The following PPARG variants were observed in gnomAD, a reference collection of about 807,000 sequenced individuals.
PPARG encodes peroxisome proliferator-activated receptor gamma.
Under a neutral mutation model 39.2 loss-of-function variants are expected in PPARG, and 17 were observed. The observed-to-expected ratio is 0.43, with a 90% confidence interval of 0.30 to 0.65. The LOEUF (loss-of-function observed/expected upper bound fraction) is 0.65. Ranked by LOEUF, PPARG falls within the 30% of genes least tolerant of loss-of-function variation. The probability of loss-of-function intolerance (pLI) is 0.13; values close to 1 mark genes in which losing one functional copy is unlikely to be tolerated. For missense variants in PPARG, 406 were observed against 585.9 expected (o/e 0.69, Z 3.17); for synonymous variants, 223 against 215.7 (o/e 1.03, Z -0.30).
intron 7 of PPARG, among the ~76,000 whole-genome samples, chr3:12,430,282 C>G (rs940839076): frequency 6.6e-6 from 1 of 152,250 alleles, no homozygotes; most frequent in Non-Finnish European, 1.5e-5. Flanking sequence ...TTGGCCAGAA[C>G]AGCCTTCTCG....
At chr3:12,419,858 T>C (rs1238218335) in intron 7 of PPARG, among the ~76,000 whole-genome samples, 1 of 152,170 alleles carries the variant, frequency 6.6e-6, no homozygotes, top group Non-Finnish European at 1.5e-5. Flanking sequence ...TTCCTAAGCA[T>C]ACTATATATC....
At chr3:12,350,861 C>T (rs1281681621) in intron 2 of PPARG, among the ~76,000 whole-genome samples, 1 of 152,152 alleles carries the variant, frequency 6.6e-6, no homozygotes, top group Non-Finnish European at 1.5e-5. Flanking sequence ...TTTAAGAAAG[C>T]AAACCCGATG....
chr3:12,300,489 T>C (rs146717431), intron 1 of PPARG, among the ~76,000 whole-genome samples: 337 of 152,370 alleles, frequency 2.2e-3, no homozygotes, highest in African/African-American at 7.8e-3. Flanking sequence ...AGTTAATTTC[T>C]TTTTATCGTG....
chr3:12,394,275 A>G (rs1347176095), intron 5 of PPARG, among the ~76,000 whole-genome samples: 1 of 152,180 alleles, frequency 6.6e-6, no homozygotes, highest in East Asian at 1.9e-4. Flanking sequence ...TTATCACTTC[A>G]CACATTCATG....
At chr3:12,339,876 G>A (rs1375563413) in intron 2 of PPARG, among the ~76,000 whole-genome samples, 1 of 152,182 alleles carries the variant, frequency 6.6e-6, no homozygotes, top group Admixed American at 6.5e-5. Flanking sequence ...CATGGCATAT[G>A]TGGCATATTG....
intron 2 of PPARG, among the ~76,000 whole-genome samples, chr3:12,350,214 G>A (rs1250171552): frequency 6.6e-6 from 1 of 152,114 alleles, no homozygotes; most frequent in African/African-American, 2.4e-5. Context: ...TAGTCATTTG[G>A]ACAAATTAGC....
intron 1 of PPARG, among the ~76,000 whole-genome samples, chr3:12,310,809 A>C (rs139371635): frequency 0.13 from 16,061 of 126,392 alleles, 1,298 homozygotes; most frequent in Non-Finnish European, 0.17. Context: ...AAAAAAAAAA[A>C]AAAAAAAAAA....
chr3:12,382,633 T>A (rs2049719954), intron 4 of PPARG, among the ~76,000 whole-genome samples: 1 of 152,222 alleles, frequency 6.6e-6, no homozygotes, highest in South Asian at 2.1e-4. Flanking sequence ...AACGTTTTCA[T>A]ACATCAGTAT....
intron 2 of PPARG, among the ~76,000 whole-genome samples, chr3:12,367,797 A>G (rs2049065511): frequency 6.6e-6 from 1 of 152,022 alleles, no homozygotes; most frequent in Non-Finnish European, 1.5e-5. Flanking sequence ...TCACTTCAGC[A>G]CAGGGAGGTC....
At chr3:12,336,388 C>T (rs1404204183) in intron 2 of PPARG, among the ~76,000 whole-genome samples, 2 of 151,990 alleles carry the variant, frequency 1.3e-5, no homozygotes, top group African/African-American at 4.8e-5. Flanking sequence ...TGTGAGTTTT[C>T]ACCTCTTGAT....
intron 7 of PPARG, among the ~76,000 whole-genome samples, chr3:12,425,476 G>A (rs1020463021): frequency 6.6e-6 from 1 of 152,100 alleles, no homozygotes; most frequent in African/African-American, 2.4e-5. Context: ...AGGAGTTCTT[G>A]GTATTCCCTT....
chr3:12,420,769 C>G (rs184610105), intron 7 of PPARG, among the ~76,000 whole-genome samples: 23 of 152,312 alleles, frequency 1.5e-4, no homozygotes, highest in African/African-American at 5.1e-4. Context: ...CATTGAACTT[C>G]AGCCTTAAAA....
rs766700866 is a variant in PPARG, at chr3:12,433,980, G to T, written c.1263G>T (p.Leu421=). The T allele has an allele frequency of 6.2e-7, 1 of 1,614,206 alleles. No homozygotes were observed. The highest frequency in any genetic ancestry group is 1.1e-5 in the South Asian group (1 of 91,078). The change falls in exon 8 of 8, where the codon CTG becomes CTT. Residue 421 remains leucine (L), a synonymous_variant. Transcript: ENST00000651735. ...LLQALELQLK[L]NHPESSQLFA... is the part of the protein sequence containing the mutation. ...AAGCCCTGGAGCTCCAGCTGAAGCTGAACCACCCTGAGTCCTCACAGCTGT... is the reference window on the plus strand; with the variant it reads ...AAGCCCTGGAGCTCCAGCTGAAGCTTAACCACCCTGAGTCCTCACAGCTGT...
intron 2 of PPARG, among the ~76,000 whole-genome samples, chr3:12,327,448 TAG>T (rs2047726881): frequency 6.6e-6 from 1 of 152,126 alleles, no homozygotes; most frequent in African/African-American, 2.4e-5. Flanking sequence ...TTATTATGAG[TAG>T]TCGCCTTTTT....
At chr3:12,328,064 T>C (rs1030402803) in intron 2 of PPARG, 3 of 1,478,838 alleles carry the variant, frequency 2.0e-6, no homozygotes, top group Admixed American at 3.3e-5. Context: ...ACAGAGATCA[T>C]GACTTTGGTA....
chr3:12,332,588 C>T (rs973165432), intron 2 of PPARG, among the ~76,000 whole-genome samples: 1 of 151,860 alleles, frequency 6.6e-6, no homozygotes, highest in Non-Finnish European at 1.5e-5. Flanking sequence ...GTAATGCCAC[C>T]CAGAGGCCTA....
chr3:12,353,062 G>A (rs892406192), intron 2 of PPARG, among the ~76,000 whole-genome samples: 4 of 152,168 alleles, frequency 2.6e-5, no homozygotes, highest in Non-Finnish European at 5.9e-5. Flanking sequence ...TGAGAGGCAA[G>A]TACTGTTTGT....
intron 2 of PPARG, among the ~76,000 whole-genome samples, chr3:12,365,370 CTT>C (rs993837804): frequency 6.6e-5 from 10 of 152,046 alleles, no homozygotes; most frequent in Non-Finnish European, 1.5e-4. Context: ...ACAGAGCAGA[CTT>C]TTTTTATTTT....
intron 6 of PPARG, among the ~76,000 whole-genome samples, chr3:12,407,517 C>T (rs749282570): frequency 6.6e-5 from 10 of 152,124 alleles, no homozygotes; most frequent in Non-Finnish European, 1.5e-4. Context: ...CTGCACAACG[C>T]TCCCAGGGCT....
Sources: allele counts gnomAD v4.1 joint callset (sites outside exome capture counted in the v4.1 genomes callset), GRCh38; gene constraint gnomAD v4.1.1; transcripts MANE v1.5; gene names NCBI Gene and HGNC (gene_info 2026-07-23, HGNC 2026-07-21).